NMNAT3: variants seen among roughly 807,000 people sequenced by gnomAD.
NMNAT3 encodes nicotinamide nucleotide adenylyltransferase 3, also known as nicotinamide/nicotinic acid mononucleotide adenylyltransferase 3.
Under a neutral mutation model 24.8 loss-of-function variants are expected in NMNAT3, and 21 were observed. The ratio of observed to expected loss-of-function variants is 0.85; its 90% CI spans 0.60 to 1.22. The LOEUF is 1.22. Ranked by LOEUF, NMNAT3 falls within the 50% of genes most tolerant of loss-of-function variation. The probability of loss-of-function intolerance (pLI) is 0.00; values close to 1 mark genes in which losing one functional copy is unlikely to be tolerated. For synonymous variants in NMNAT3, 136 were observed against 155.2 expected (o/e 0.88, Z 0.92); for missense variants, 387 against 436.6 (o/e 0.89, Z 1.01).
chr3:139,644,440 G>C (rs1401852854), intron 1 of NMNAT3, among the ~76,000 whole-genome samples: 1 of 152,210 alleles, frequency 6.6e-6, no homozygotes, highest in East Asian at 1.9e-4. Context: ...AAATATGAAA[G>C]GACCCAAAGT....
At chr3:139,612,734 C>T (rs1173779002) in intron 3 of NMNAT3, among the ~76,000 whole-genome samples, 1 of 152,100 alleles carries the variant, frequency 6.6e-6, no homozygotes, top group Non-Finnish European at 1.5e-5. Context: ...ACATGGTGAG[C>T]GAGTTGGTTA....
intron 3 of NMNAT3, among the ~76,000 whole-genome samples, chr3:139,607,022 G>A (rs913289112): frequency 2.6e-4 from 40 of 152,110 alleles, no homozygotes; most frequent in African/African-American, 9.4e-4. Context: ...TCTCCAAGGA[G>A]CCCTGGTTTC....
At chr3:139,660,025 G>T (rs1366382347) in intron 1 of NMNAT3, among the ~76,000 whole-genome samples, 2 of 152,182 alleles carry the variant, frequency 1.3e-5, no homozygotes, top group Non-Finnish European at 2.9e-5. Flanking sequence ...GAGACCCATT[G>T]CTTTAGAGGT....
intron 1 of NMNAT3, among the ~76,000 whole-genome samples, chr3:139,662,088 G>C (rs959513486): frequency 6.6e-6 from 1 of 152,112 alleles, no homozygotes; most frequent in African/African-American, 2.4e-5. Context: ...CACCAGGATG[G>C]GAGGGAGCAC....
rs201134559 is a variant in NMNAT3 at position 139,569,181 on chromosome 3, T to G, written c.658+4417A>C. ...GATTGCAACCCCTGCCTTTTTTTGTTTTCCATTTGCTTGGTAGATCTTCCT... is the reference window on the plus strand; with the variant it reads ...GATTGCAACCCCTGCCTTTTTTTGTGTTCCATTTGCTTGGTAGATCTTCCT... On this transcript the variant is annotated intron_variant, in intron 6 of 6. Transcript: ENST00000643695. The G allele has an allele frequency of 8.4e-4, 9 of 10,678 alleles. No individual in the cohort carries two copies. In the Admixed American group the frequency reaches 0.014, roughly 16 times the overall value. 0.7% of individuals were successfully genotyped at this position (10,678 alleles called of 1,614,324 possible). A position where few individuals can be genotyped will look rare whatever the true frequency, so the allele number is the denominator to read the frequency against.
intron 2 of NMNAT3, among the ~76,000 whole-genome samples, chr3:139,633,453 T>C (rs2108329560): frequency 6.6e-6 from 1 of 152,318 alleles, no homozygotes; most frequent in African/African-American, 2.4e-5. Flanking sequence ...GTGCTGGGAT[T>C]ACAGGCGTGA....
At position 139,561,493 on chromosome 3, in the gene NMNAT3, C is replaced by T. The variant is rs541603860; in HGVS notation, c.659-101G>A. On this transcript the variant is annotated intron_variant, in intron 6 of 6. Transcript: ENST00000643695. The stretch of plus-strand genomic sequence containing the variant: ...CACAAAATGCTTTTCTTGGATGTAT[C>T]GAGAACTCAGTGTCTCCATGTTCAT... The T allele has an allele frequency of 3.1e-5, 35 of 1,144,806 alleles. No homozygotes were observed. In the South Asian group the frequency reaches 4.3e-4, roughly 14 times the overall value. The allele number at this position is 1,144,806 out of a possible 1,614,324, so 70.9% of individuals were successfully genotyped here. A position where few individuals can be genotyped will look rare whatever the true frequency, so the allele number is the denominator to read the frequency against.
chr3:139,579,244 G>C (rs1939812388), intron 4 of NMNAT3, among the ~76,000 whole-genome samples, 189 bp from the exon 5 acceptor site: 1 of 152,148 alleles, frequency 6.6e-6, no homozygotes. Flanking sequence ...GTGAACATGT[G>C]CTTCTCCTCT....
intron 1 of NMNAT3, among the ~76,000 whole-genome samples, chr3:139,668,611 G>GT (rs1251813554): frequency 6.6e-6 from 1 of 152,166 alleles, no homozygotes; most frequent in African/African-American, 2.4e-5. Flanking sequence ...TTTAAAAAAT[G>GT]TTTTTTGGAA....
chr3:139,560,193 CT>C lies in NMNAT3; in HGVS notation c.*816del, dbSNP rs1936219335. On this transcript the variant is annotated 3_prime_UTR_variant, in exon 7 of 7. Coordinates refer to ENST00000643695, the MANE Select transcript of NMNAT3 (RefSeq NM_001320510.2). Reference sequence around the variant, plus strand: ...AAAAAAGAGAAATTTTTCATTAGTACTTTTTGATGTCAATTTATTATTTATC... The same window carrying C: ...AAAAAAGAGAAATTTTTCATTAGTACTTTTGATGTCAATTTATTATTTATC... The C allele has an allele frequency of 5.2e-5, 8 of 152,724 alleles. No individual in the cohort carries two copies. The South Asian group carries it at 1.7e-3, about 32-fold the overall frequency. 9.5% of individuals were successfully genotyped at this position (152,724 alleles called of 1,614,324 possible). A position where few individuals can be genotyped will look rare whatever the true frequency, so the allele number is the denominator to read the frequency against.
Position 139,660,840 on chromosome 3 carries a change from A to T in NMNAT3, c.-141+16865T>A, listed in dbSNP as rs76104289. On this transcript the variant is annotated intron_variant, in intron 1 of 6. Transcript: ENST00000643695. ...AGGAGGCTAAGGGGAGATAAAAAAA[A>T]TCTGATTATCTGTTCCAATGCTAAG... 2.0e-5 allele frequency among the ~76,000 whole-genome samples: 3 copies of T among 150,394 alleles called. No individual in the cohort carries two copies. In the Admixed American group the frequency reaches 2.0e-4, roughly 10 times the overall value.
chr3:139,629,765 G>T (rs1254666858), intron 2 of NMNAT3, among the ~76,000 whole-genome samples: 1 of 152,124 alleles, frequency 6.6e-6, no homozygotes, highest in African/African-American at 2.4e-5. Context: ...GGACTTCTTT[G>T]TGAGATCTTC....
Position 139,578,895 on chromosome 3 carries a change from C to T in NMNAT3, c.552G>A (p.Trp184Ter), listed in dbSNP as rs114467064. ...ACCTCAGCACCTTCACTGTCTCCAT[C>T]CACTGTGCCTGCTCACTCTCCCAAG... Residue 184 changes from tryptophan (W) to a stop codon, truncating the protein, a stop_gained, in exon 5 of 7, where the codon TGG (tryptophan) becomes TGA (stop). Coordinates refer to ENST00000643695, the MANE Select transcript of NMNAT3 (RefSeq NM_001320510.2). LOFTEE classifies it high-confidence loss of function. The T allele has an allele frequency of 2.7e-4, 436 of 1,614,140 alleles. No individual in the cohort carries two copies. Among genetic ancestry groups the T allele is most frequent in the Non-Finnish European group, 3.5e-4 (411 of 1,180,000 alleles).
At chr3:139,597,519 T>TGGGTATTTTGCACCTA (rs1174896317) in intron 3 of NMNAT3, among the ~76,000 whole-genome samples, 3 of 152,222 alleles carry the variant, frequency 2.0e-5, no homozygotes, top group Non-Finnish European at 2.9e-5. Flanking sequence ...CTACTTTATA[T>TGGGTATTTTGCACCTA]GGGTATTTTG....
intron 1 of NMNAT3, among the ~76,000 whole-genome samples, chr3:139,670,804 C>T (rs2057733061): frequency 6.6e-6 from 1 of 152,170 alleles, no homozygotes; most frequent in Admixed American, 6.5e-5. Flanking sequence ...AATAAGGGCT[C>T]TGAAGGCTGC....
rs577798390 is a variant in NMNAT3, at chr3:139,658,481, CTTGT to C, written c.-141+19220_-141+19223del. 2.6e-4 allele frequency among the ~76,000 whole-genome samples: 39 copies of C among 152,340 alleles called. No individual in the cohort carries two copies. The Middle Eastern group carries it at 0.01, about 40-fold the overall frequency. ...AAAGTGCAGACATGCAGATGAAGTACTTGTTTGTTTTGAATGTATGCAATTTCTT... is the reference window on the plus strand; with the variant it reads ...AAAGTGCAGACATGCAGATGAAGTACTTGTTTTGAATGTATGCAATTTCTT... On this transcript the variant is annotated intron_variant, in intron 1 of 6. Transcript: ENST00000643695.
At chr3:139,582,663 AAG>A in intron 4 of NMNAT3, among the ~76,000 whole-genome samples, 1 of 149,112 alleles carries the variant, frequency 6.7e-6, no homozygotes, top group South Asian at 2.1e-4. Context: ...AAAAAAAAAA[AAG>A]AAAAGAAAAT....
intron 3 of NMNAT3, among the ~76,000 whole-genome samples, chr3:139,614,560 T>C (rs2055392646): frequency 6.6e-6 from 1 of 152,246 alleles, no homozygotes; most frequent in Non-Finnish European, 1.5e-5. Context: ...TATAGGCCAA[T>C]TATTTTGCAG....
chr3:139,563,128 T>A (rs930412965), intron 6 of NMNAT3, among the ~76,000 whole-genome samples: 1 of 152,226 alleles, frequency 6.6e-6, no homozygotes, highest in African/African-American at 2.4e-5. Flanking sequence ...TCTCCCAGTG[T>A]CTGGCCTTTT....
Sources: allele counts gnomAD v4.1 joint callset (sites outside exome capture counted in the v4.1 genomes callset), GRCh38; gene constraint gnomAD v4.1.1; transcripts MANE v1.5; gene names NCBI Gene and HGNC (gene_info 2026-07-23, HGNC 2026-07-21).